GHR: variants seen among roughly 807,000 people sequenced by gnomAD.
The protein encoded by GHR is GH receptor.
GHR carries 35 observed loss-of-function variants against 67.1 expected under a neutral mutation model. The ratio of observed to expected loss-of-function variants is 0.52; its 90% confidence interval spans 0.40 to 0.69. GHR has a LOEUF of 0.69. Ranked by LOEUF, GHR falls within the 30% of genes least tolerant of loss-of-function variation. The probability of loss-of-function intolerance (pLI) is 0.00; values close to 1 mark genes in which losing one functional copy is unlikely to be tolerated. For synonymous variants in GHR, 272 were observed against 269.1 expected, an observed-to-expected ratio of 1.01 and a Z score of -0.10; for missense variants, 792 against 764.6, an observed-to-expected ratio of 1.04 and a Z score of -0.42.
At chr5:42,562,628 G>A (rs1048552409) in intron 1 of GHR, among the ~76,000 whole-genome samples, 4 of 149,910 alleles carry the variant, frequency 2.7e-5, no homozygotes, top group Non-Finnish European at 1.5e-5. Context: ...AGCTTGTAAA[G>A]GAAGTGTTAT....
At chr5:42,608,505 G>A (rs929607918) in intron 2 of GHR, among the ~76,000 whole-genome samples, 1 of 151,890 alleles carries the variant, frequency 6.6e-6, no homozygotes, top group African/African-American at 2.4e-5. Flanking sequence ...TATATCATTT[G>A]TCATAAAGAT....
chr5:42,622,909 A>G (rs1367169795), intron 2 of GHR, among the ~76,000 whole-genome samples: 3 of 152,156 alleles, frequency 2.0e-5, no homozygotes, highest in African/African-American at 7.2e-5. Context: ...CACTGCCTAC[A>G]TGCAGCCTGC....
rs1287143816 is a variant in GHR at position 42,455,143 on chromosome 5, C to T, written c.-12+31188C>T. ...CAGCTCTAGGTAAGGTTAAATCCTT[C>T]TCTCATGATCTGGATTTTCAGATTC... On this transcript the variant is annotated intron_variant, in intron 1 of 9. Transcript: ENST00000230882. 3.9e-5 allele frequency among the ~76,000 whole-genome samples: 6 copies of T among 152,176 alleles called. 1 individual carries two copies. The highest frequency in any genetic ancestry group is 3.3e-4 in the Admixed American group (5 of 15,278).
At chr5:42,698,808 G>A (rs1460327820) in intron 5 of GHR, among the ~76,000 whole-genome samples, 1 of 152,134 alleles carries the variant, frequency 6.6e-6, no homozygotes, top group East Asian at 1.9e-4. Context: ...GTATCTGCAA[G>A]TGATTTTCAA....
At chr5:42,504,305 C>G (rs1157601722) in intron 1 of GHR, among the ~76,000 whole-genome samples, 2 of 152,088 alleles carry the variant, frequency 1.3e-5, no homozygotes, top group African/African-American at 4.8e-5. Context: ...AGGGAGCTTG[C>G]TAGGCCAGGC....
chr5:42,627,932 CA>C (rs1246364873), intron 2 of GHR, among the ~76,000 whole-genome samples: 2 of 152,288 alleles, frequency 1.3e-5, no homozygotes, highest in African/African-American at 4.8e-5. Flanking sequence ...AGGATGAGTG[CA>C]AGGTTTTATT....
At position 42,694,910 on chromosome 5, in the gene GHR, A is replaced by G. The variant is rs746016388; in HGVS notation, c.267-7A>G. ...ACAATTAATCTTTTTTTAACCCTTC[A>G]TTTTAGGAACACTCAAGAATGGACT... On this transcript the variant is annotated splice_polypyrimidine_tract_variant and splice_region_variant and intron_variant, in intron 4 of 9. Transcript: ENST00000230882. 3 of 1,603,948 alleles carry G rather than the reference A, an allele frequency of 1.9e-6. No homozygotes were observed. The highest frequency in any genetic ancestry group is 1.7e-5 in the Admixed American group (1 of 59,690).
intron 6 of GHR, among the ~76,000 whole-genome samples, chr5:42,703,560 A>G (rs1022447230): frequency 2.0e-5 from 3 of 152,022 alleles, no homozygotes; most frequent in African/African-American, 7.2e-5. Flanking sequence ...TACAAATTTT[A>G]GAATTGCTTT....
intron 6 of GHR, among the ~76,000 whole-genome samples, chr5:42,707,219 G>A (rs561505080): frequency 2.6e-5 from 4 of 151,322 alleles, no homozygotes; most frequent in Admixed American, 1.3e-4. Flanking sequence ...TCCACATACC[G>A]CCCCCCCAAA....
intron 1 of GHR, among the ~76,000 whole-genome samples, chr5:42,477,453 G>A (rs1181999308): frequency 2.6e-5 from 4 of 152,122 alleles, no homozygotes; most frequent in East Asian, 1.9e-4. Context: ...CTGAGGAATC[G>A]CCACACTGAC....
chr5:42,563,337 G>A (rs140951149), intron 1 of GHR, among the ~76,000 whole-genome samples: 116 of 152,254 alleles, frequency 7.6e-4, no homozygotes, highest in African/African-American at 2.8e-3. Context: ...GAATCAGGCT[G>A]GGCACGGTGG....
chr5:42,527,605 A>G (rs1186964881), intron 1 of GHR, among the ~76,000 whole-genome samples: 1 of 152,190 alleles, frequency 6.6e-6, no homozygotes, highest in African/African-American at 2.4e-5. Context: ...CCCTCACAAT[A>G]TTAGTGGGAG....
intron 2 of GHR, among the ~76,000 whole-genome samples, chr5:42,579,693 A>G (rs1452706179): frequency 6.6e-6 from 1 of 152,218 alleles, no homozygotes; most frequent in Non-Finnish European, 1.5e-5. Flanking sequence ...GCAAACTGGG[A>G]GACATCCATG....
intron 1 of GHR, among the ~76,000 whole-genome samples, chr5:42,457,746 A>T (rs1744320145): frequency 6.6e-6 from 1 of 152,094 alleles, no homozygotes; most frequent in African/African-American, 2.4e-5. Flanking sequence ...CTGTCTTTTG[A>T]TGTTGTTTAT....
At chr5:42,586,150 G>T (rs1367365866) in intron 2 of GHR, among the ~76,000 whole-genome samples, 1 of 152,040 alleles carries the variant, frequency 6.6e-6, no homozygotes, top group African/African-American at 2.4e-5. Context: ...CATTCAGTTT[G>T]GTGGGATTCA....
Position 42,423,830 on chromosome 5 carries a change from GGCT to G in GHR, c.-129_-127del. On this transcript the variant is annotated 5_prime_UTR_variant, in exon 1 of 10. It introduces an in-frame stop codon into an upstream open reading frame of the 5' UTR. Transcript: ENST00000230882. Reference sequence around the variant, plus strand: ...CTGCTACAGTGGCGGTGGCGGCGGCGGCTGCTGCTGAGCCCGGGCGGCGGCGGG... The same window carrying G: ...CTGCTACAGTGGCGGTGGCGGCGGCGGCTGCTGAGCCCGGGCGGCGGCGGG... 1 of 163,968 alleles carries G rather than the reference GGCT, an allele frequency of 6.1e-6. No individual in the cohort carries two copies. Among genetic ancestry groups the G allele is most frequent in the Non-Finnish European group, 1.3e-5 (1 of 77,812 alleles). 10.2% of individuals were successfully genotyped at this position (163,968 alleles called of 1,614,324 possible).
intron 1 of GHR, among the ~76,000 whole-genome samples, chr5:42,460,180 AG>A: frequency 6.6e-6 from 1 of 152,326 alleles, no homozygotes; most frequent in East Asian, 1.9e-4. Flanking sequence ...AGCCCTCACC[AG>A]GAACTTAAGT....
At chr5:42,538,254 G>C (rs912870003) in intron 1 of GHR, among the ~76,000 whole-genome samples, 3 of 152,062 alleles carry the variant, frequency 2.0e-5, no homozygotes, top group African/African-American at 7.2e-5. Context: ...TTTTTAACTT[G>C]TATTTTTGTT....
At chr5:42,527,767 C>T (rs576032085) in intron 1 of GHR, among the ~76,000 whole-genome samples, 1 of 152,306 alleles carries the variant, frequency 6.6e-6, no homozygotes, top group Non-Finnish European at 1.5e-5. Context: ...CTTCTCATCA[C>T]CACGTGGCAC....
Sources: allele counts gnomAD v4.1 joint callset (sites outside exome capture counted in the v4.1 genomes callset), GRCh38; gene constraint gnomAD v4.1.1; transcripts MANE v1.5; gene names NCBI Gene and HGNC (gene_info 2026-07-23, HGNC 2026-07-21).